The following KLF8 variants were observed in gnomAD, a reference collection of about 807,000 sequenced individuals.
KLF8 encodes the protein KLF transcription factor 8, also known as Krueppel-like factor 8.
KLF8 carries 10 observed loss-of-function variants against 18.2 expected under a neutral mutation model. The observed-to-expected ratio is 0.55, with a 90% CI of 0.34 to 0.93. The LOEUF (loss-of-function observed/expected upper bound fraction) is 0.93, where lower values mean the gene tolerates loss of function less well. KLF8 is among the 40% of genes least tolerant of loss of function. KLF8 has a pLI of 0.02. For missense variants in KLF8, 264 were observed against 277.9 expected, an observed-to-expected ratio of 0.95 and a Z score of 0.36; for synonymous variants, 109 against 97.3, an observed-to-expected ratio of 1.12 and a Z score of -0.71.
At chrX:55,951,406 G>A in the KLF8 span, among the ~76,000 whole-genome samples, 2 of 106,915 alleles carry the variant, frequency 1.9e-5, no homozygotes, top group African/African-American at 6.9e-5. Context: ...AACCCGGGAG[G>A]TGGAGGTTGC....
At chrX:55,947,408 A>G in the KLF8 span, among the ~76,000 whole-genome samples, 4 of 104,284 alleles carry the variant, frequency 3.8e-5, no homozygotes, top group Non-Finnish European at 5.9e-5. Context: ...AACACCGCAT[A>G]TTCTCACTCA....
At chrX:56,222,089 G>T in the KLF8 span, among the ~76,000 whole-genome samples, 4 of 111,740 alleles carry the variant, frequency 3.6e-5, no homozygotes, top group Non-Finnish European at 7.5e-5. Flanking sequence ...CCCTGAGCTA[G>T]ACACAGGGTG....
chrX:55,927,919 A>G, the KLF8 span, among the ~76,000 whole-genome samples: 4 of 112,264 alleles, frequency 3.6e-5, no homozygotes, highest in South Asian at 1.5e-3. Context: ...TTTCCTAACT[A>G]TGATACATTT....
the KLF8 span, among the ~76,000 whole-genome samples, chrX:56,212,224 C>A: frequency 9.0e-6 from 1 of 111,572 alleles, no homozygotes; most frequent in South Asian, 3.8e-4. Flanking sequence ...TCTCTCTCCT[C>A]TCCTCAATTG....
the KLF8 span, among the ~76,000 whole-genome samples, chrX:56,020,469 T>C: frequency 9.0e-6 from 1 of 111,674 alleles, no homozygotes. Flanking sequence ...AGGTAGATTC[T>C]AAAGTTATAA....
chrX:56,263,567 C>T (rs1284498137), intron 2 of KLF8, among the ~76,000 whole-genome samples: 1 of 111,004 alleles, frequency 9.0e-6, no homozygotes, highest in African/African-American at 3.3e-5. Flanking sequence ...ATCACTGCAG[C>T]GCTCTGAGGG....
the KLF8 span, among the ~76,000 whole-genome samples, chrX:55,934,345 A>G: frequency 8.9e-6 from 1 of 112,000 alleles, no homozygotes; most frequent in East Asian, 2.8e-4. Context: ...AGACTTATCA[A>G]TAATAAAAGA....
chrX:56,081,438 C>T, the KLF8 span, among the ~76,000 whole-genome samples: 2 of 111,737 alleles, frequency 1.8e-5, no homozygotes, highest in Admixed American at 9.5e-5. Context: ...AAGTAGTTTC[C>T]GTGTTTCATT....
At chrX:56,095,847 G>A in the KLF8 span, among the ~76,000 whole-genome samples, 118 of 111,539 alleles carry the variant, frequency 1.1e-3, no homozygotes, top group Non-Finnish European at 1.8e-3. Flanking sequence ...TACTCTGTTG[G>A]TGGGAATGTA....
At chrX:55,971,368 C>CA in the KLF8 span, among the ~76,000 whole-genome samples, 1 of 110,985 alleles carries the variant, frequency 9.0e-6, no homozygotes, top group African/African-American at 3.3e-5. Flanking sequence ...TAAGCAGACT[C>CA]AAAAAACTAT....
the KLF8 span, among the ~76,000 whole-genome samples, chrX:56,213,072 GCAGT>G: frequency 9.1e-6 from 1 of 110,443 alleles, no homozygotes; most frequent in Non-Finnish European, 1.9e-5. Context: ...TATTTATTTG[GCAGT>G]CAGTTTCAAA....
chrX:56,263,641 C>T (rs1176241293), intron 2 of KLF8, among the ~76,000 whole-genome samples: 1 of 111,623 alleles, frequency 9.0e-6, no homozygotes, highest in Non-Finnish European at 1.9e-5. Context: ...TCTCTGAATT[C>T]AGACCCTTAT....
At chrX:55,999,284 GA>G in the KLF8 span, among the ~76,000 whole-genome samples, 1 of 17,507 alleles carries the variant, frequency 5.7e-5, no homozygotes, top group African/African-American at 2.8e-4. Flanking sequence ...GATGCCTCCA[GA>G]TTTTTTTTTT....
the KLF8 span, among the ~76,000 whole-genome samples, chrX:56,050,874 A>T: frequency 2.7e-5 from 3 of 109,210 alleles, no homozygotes; most frequent in African/African-American, 1.0e-4. Flanking sequence ...GGGGTGTTAA[A>T]GTCTCCCATT....
chrX:56,188,880 G>A, the KLF8 span, among the ~76,000 whole-genome samples: 2 of 111,841 alleles, frequency 1.8e-5, no homozygotes, highest in South Asian at 7.4e-4. Flanking sequence ...CAAGATGGAT[G>A]AAAGACTTAA....
chrX:55,912,280 G>T, the KLF8 span, among the ~76,000 whole-genome samples: 13 of 110,939 alleles, frequency 1.2e-4, no homozygotes, highest in South Asian at 1.5e-3. Context: ...GAGGTTAGAG[G>T]TTCTCATTTT....
At chrX:56,195,988 C>G in the KLF8 span, among the ~76,000 whole-genome samples, 7 of 111,394 alleles carry the variant, frequency 6.3e-5, no homozygotes, top group Non-Finnish European at 7.5e-5. Context: ...AACTAAGCTT[C>G]ATAAGTGAAG....
At chrX:55,965,648 C>T in the KLF8 span, among the ~76,000 whole-genome samples, 1 of 112,119 alleles carries the variant, frequency 8.9e-6, no homozygotes, top group African/African-American at 3.2e-5. Context: ...ATAGTCTCTG[C>T]ACAAAGGCTG....
the KLF8 span, among the ~76,000 whole-genome samples, chrX:56,054,257 C>G: frequency 9.0e-6 from 1 of 111,428 alleles, no homozygotes; most frequent in Non-Finnish European, 1.9e-5. Flanking sequence ...ACTGCCTTAG[C>G]TGTATTCTAG....
Sources: allele counts gnomAD v4.1 joint callset (sites outside exome capture counted in the v4.1 genomes callset), GRCh38; gene constraint gnomAD v4.1.1; transcripts MANE v1.5; gene names NCBI Gene and HGNC (gene_info 2026-07-23, HGNC 2026-07-21).